The following AGBL3 variants were observed in gnomAD, a reference collection of about 807,000 sequenced individuals.
The protein encoded by AGBL3 is AGBL carboxypeptidase 3.
Under a neutral mutation model 94.5 loss-of-function variants are expected in AGBL3, and 68 were observed. The ratio of observed to expected loss-of-function variants is 0.72; its 90% CI spans 0.59 to 0.88. The LOEUF (loss-of-function observed/expected upper bound fraction) is 0.88. Ranked by LOEUF, AGBL3 falls within the 40% of genes least tolerant of loss-of-function variation. The pLI is 0.00. For missense variants in AGBL3, 934 were observed against 1,103.8 expected (o/e 0.85, Z 2.18); for synonymous variants, 354 against 370.7 (o/e 0.95, Z 0.52).
rs574286266 is a variant in AGBL3, at chr7:135,081,772, T to C, written c.2092T>C (p.Leu698=). ...DYMVDYFRRQ[L]PNQGLDLHHN... is the part of the protein sequence containing the mutation. Reference sequence around the variant, plus strand: ...TATGGTTGATTATTTCAGAAGACAATTACCTAATCAAGGTTTGGGTGAGTA... The same window carrying C: ...TATGGTTGATTATTTCAGAAGACAACTACCTAATCAAGGTTTGGGTGAGTA... The change falls in exon 15 of 17, where the codon TTA becomes CTA. Residue 698 remains leucine (L), a synonymous_variant. Transcript: ENST00000436302. 7.8e-6 allele frequency: 12 copies of C among 1,536,764 alleles called. No homozygotes were observed. The African/African-American group carries it at 1.5e-4, about 19-fold the overall frequency.
In AGBL3 at chr7:135,128,555, T is replaced by C. The variant is rs116057567; in HGVS notation, c.2343-6286T>C. 107 of 768,734 alleles carry C rather than the reference T, an allele frequency of 1.4e-4. No homozygotes were observed. The African/African-American group carries it at 1.7e-3, about 12-fold the overall frequency. 47.6% of individuals were successfully genotyped at this position (768,734 alleles called of 1,614,324 possible). ...CCAAGGTGGAGAAACCAGGATCTAT[T>C]TGGATTTGCCATAGAATTTCAAGAT... On this transcript the variant is annotated intron_variant, in intron 16 of 16. Coordinates refer to ENST00000436302, the MANE Select transcript of AGBL3 (RefSeq NM_178563.4).
intron 15 of AGBL3, among the ~76,000 whole-genome samples, chr7:135,103,294 G>A (rs1462406164): frequency 6.6e-6 from 1 of 152,128 alleles, no homozygotes; most frequent in African/African-American, 2.4e-5. Flanking sequence ...TTGAAGCTGA[G>A]TGATAGGTTT....
At chr7:135,064,446 G>A (rs1189589097) in intron 12 of AGBL3, among the ~76,000 whole-genome samples, 2 of 152,134 alleles carry the variant, frequency 1.3e-5, no homozygotes, top group East Asian at 3.8e-4. Context: ...TGGTTAGTAG[G>A]GTCACCTTGG....
chr7:135,080,318 T>C (rs748770882), intron 14 of AGBL3, 58 bp downstream of exon 14: 5 of 1,443,158 alleles, frequency 3.5e-6, no homozygotes, highest in Non-Finnish European at 4.8e-6. Context: ...AACTAAGAAT[T>C]TTTGGTGCCA....
At chr7:135,068,959 A>G in intron 12 of AGBL3, among the ~76,000 whole-genome samples, 1 of 152,238 alleles carries the variant, frequency 6.6e-6, no homozygotes, top group East Asian at 1.9e-4. Context: ...GTCAAGACCC[A>G]TCAGTGTGCT....
intron 15 of AGBL3, among the ~76,000 whole-genome samples, chr7:135,091,867 T>C (rs556618516): frequency 1.3e-5 from 2 of 152,332 alleles, no homozygotes; most frequent in Non-Finnish European, 2.9e-5. Flanking sequence ...AAACAGTTCC[T>C]TAAAATAAGA....
In AGBL3 at chr7:135,129,508, T is replaced by C. The variant is rs141075179; in HGVS notation, c.2343-5333T>C. The C allele has an allele frequency of 1.1e-3, 834 of 772,454 alleles. 7 individuals are homozygous for C. In the East Asian group the frequency reaches 0.019, roughly 18 times the overall value. 47.8% of individuals were successfully genotyped at this position (772,454 alleles called of 1,614,324 possible). A position where few individuals can be genotyped will look rare whatever the true frequency, so the allele number is the denominator to read the frequency against. On this transcript the variant is annotated intron_variant, in intron 16 of 16. Transcript: ENST00000436302. ...TGTTGTGGAACTCCCATAGAGAAAT[T>C]AGATGGATATAACAAGATGACATGT...
chr7:135,130,910 T>A (rs1480360353), intron 16 of AGBL3, among the ~76,000 whole-genome samples: 1 of 152,194 alleles, frequency 6.6e-6, no homozygotes, highest in Non-Finnish European at 1.5e-5. Context: ...GGTGGGTGGC[T>A]TAGAAGCAAA....
chr7:135,077,925 C>T (rs148401178), intron 13 of AGBL3, among the ~76,000 whole-genome samples: 13 of 152,308 alleles, frequency 8.5e-5, no homozygotes, highest in Non-Finnish European at 1.6e-4. Context: ...AGACAGTTAA[C>T]AACCGCCTGA....
Position 134,996,803 on chromosome 7 carries a change from C to G in AGBL3, c.310+3125C>G, listed in dbSNP as rs200976515. ...TCCCATAATTTCTGGTATAAGGATA[C>G]TGTCAAATTTTCCTCCAAAAAGAGT... On this transcript the variant is annotated intron_variant, in intron 4 of 16. Transcript: ENST00000436302. 2.0e-5 allele frequency among the ~76,000 whole-genome samples: 3 copies of G among 152,130 alleles called. No homozygotes were observed. In the East Asian group the frequency reaches 5.8e-4, roughly 29 times the overall value.
At chr7:135,014,637 T>G (rs964699267) in intron 4 of AGBL3, among the ~76,000 whole-genome samples, 10 of 152,204 alleles carry the variant, frequency 6.6e-5, no homozygotes, top group African/African-American at 2.4e-4. Flanking sequence ...TTTTTTTTTC[T>G]TTTTCCTTGG....
chr7:135,066,531 A>T (rs1401398288), intron 12 of AGBL3, among the ~76,000 whole-genome samples: 2 of 152,256 alleles, frequency 1.3e-5, no homozygotes, highest in Non-Finnish European at 2.9e-5. Context: ...GTAAATTGGT[A>T]CAGCAATTAT....
chr7:135,114,992 G>C (rs1054789961), intron 15 of AGBL3, among the ~76,000 whole-genome samples: 5 of 151,938 alleles, frequency 3.3e-5, no homozygotes, highest in Non-Finnish European at 5.9e-5. Context: ...ATGCATTCTT[G>C]GTGTTCTTGA....
intron 16 of AGBL3, among the ~76,000 whole-genome samples, chr7:135,127,219 C>T (rs1014960704): frequency 3.3e-5 from 5 of 151,724 alleles, no homozygotes; most frequent in East Asian, 1.9e-4. Flanking sequence ...GATATGAAGA[C>T]GCTTCTCAAA....
chr7:135,054,963 T>C (rs1377943085), intron 11 of AGBL3, among the ~76,000 whole-genome samples: 1 of 152,342 alleles, frequency 6.6e-6, no homozygotes, highest in East Asian at 1.9e-4. Flanking sequence ...TAGCACCTGC[T>C]CAGCTTCTGG....
intron 12 of AGBL3, among the ~76,000 whole-genome samples, chr7:135,061,686 C>T (rs1446436480): frequency 6.6e-6 from 1 of 152,038 alleles, no homozygotes; most frequent in Non-Finnish European, 1.5e-5. Context: ...TGTCAAAAGT[C>T]AATTGACTAT....
At chr7:134,997,422 A>T (rs1811147979) in intron 4 of AGBL3, among the ~76,000 whole-genome samples, 1 of 152,182 alleles carries the variant, frequency 6.6e-6, no homozygotes, top group Admixed American at 6.5e-5. Flanking sequence ...GGAGTCTTAG[A>T]AACAGCACTT....
intron 16 of AGBL3, among the ~76,000 whole-genome samples, chr7:135,133,145 A>C (rs1829029716): frequency 1.3e-5 from 2 of 152,300 alleles, no homozygotes; most frequent in South Asian, 2.1e-4. Flanking sequence ...ATACAAGATA[A>C]ATGTACAAAA....
chr7:135,049,676 T>C (rs1440955529), intron 11 of AGBL3, among the ~76,000 whole-genome samples: 1 of 151,894 alleles, frequency 6.6e-6, no homozygotes, highest in East Asian at 1.9e-4. Context: ...TATCTTCTTC[T>C]TCCAGATTAT....
Sources: allele counts gnomAD v4.1 joint callset (sites outside exome capture counted in the v4.1 genomes callset), GRCh38; gene constraint gnomAD v4.1.1; transcripts MANE v1.5; gene names NCBI Gene and HGNC (gene_info 2026-07-23, HGNC 2026-07-21).